PLCE1: variants seen among roughly 807,000 people sequenced by gnomAD.
PLCE1 encodes the protein 1-phosphatidylinositol 4,5-bisphosphate phosphodiesterase epsilon-1.
PLCE1 carries 119 observed loss-of-function variants against 242.8 expected under a neutral mutation model. The observed-to-expected ratio is 0.49, with a 90% CI of 0.42 to 0.57. PLCE1 has a LOEUF of 0.57. Ranked by LOEUF, PLCE1 falls within the 20% of genes least tolerant of loss-of-function variation. PLCE1 has a pLI of 0.00. For missense variants in PLCE1, 2,441 were observed against 2,788.8 expected (o/e 0.88, Z 2.81); for synonymous variants, 945 against 1,017.4 (o/e 0.93, Z 1.35).
chr10:94,068,760 C>A (rs973378961), intron 2 of PLCE1, among the ~76,000 whole-genome samples: 10 of 152,198 alleles, frequency 6.6e-5, no homozygotes, highest in African/African-American at 2.4e-4. Flanking sequence ...GTAAGTTTCA[C>A]TGGATTACCA....
At chr10:94,285,882 C>T (rs1843217563) in intron 22 of PLCE1, among the ~76,000 whole-genome samples, 1 of 152,106 alleles carries the variant, frequency 6.6e-6, no homozygotes, top group Admixed American at 6.6e-5. Flanking sequence ...AACCACTTTC[C>T]AAAAACAGTG....
At chr10:94,253,262 C>T (rs925917191) in intron 9 of PLCE1, among the ~76,000 whole-genome samples, 4 of 152,256 alleles carry the variant, frequency 2.6e-5, no homozygotes, top group Middle Eastern at 3.4e-3. Context: ...GTGACAGCCT[C>T]CGGAAGCTTA....
At chr10:94,296,110 C>A (rs2052802060) in intron 23 of PLCE1, among the ~76,000 whole-genome samples, 1 of 152,098 alleles carries the variant, frequency 6.6e-6, no homozygotes, top group South Asian at 2.1e-4. Flanking sequence ...TGCCTGTAAT[C>A]CCAGCACTTT....
intron 2 of PLCE1, among the ~76,000 whole-genome samples, chr10:94,100,989 T>A (rs1317502975): frequency 1.3e-5 from 2 of 152,108 alleles, no homozygotes; most frequent in Non-Finnish European, 2.9e-5. Context: ...TACAGAAGCC[T>A]AGAAGTGAGA....
intron 2 of PLCE1, among the ~76,000 whole-genome samples, chr10:94,067,414 G>A (rs969863113): frequency 6.6e-6 from 1 of 152,164 alleles, no homozygotes; most frequent in Non-Finnish European, 1.5e-5. Context: ...GAACCCAGGA[G>A]CCAGAAAGAC....
chr10:94,209,216 G>A (rs2049258425), intron 4 of PLCE1, among the ~76,000 whole-genome samples: 1 of 152,130 alleles, frequency 6.6e-6, no homozygotes, highest in African/African-American at 2.4e-5. Context: ...AGGAAATTTA[G>A]GCCTGAGTTT....
At chr10:94,122,689 G>A (rs575628116) in intron 2 of PLCE1, among the ~76,000 whole-genome samples, 70 of 152,282 alleles carry the variant, frequency 4.6e-4, no homozygotes, top group African/African-American at 1.6e-3. Flanking sequence ...TGATAGGGAC[G>A]TAAGTGCTTG....
chr10:94,320,608 G>A (rs2053764025), intron 29 of PLCE1, among the ~76,000 whole-genome samples: 1 of 152,196 alleles, frequency 6.6e-6, no homozygotes, highest in South Asian at 2.1e-4. Context: ...GGAGAGATGA[G>A]GCTAGAATTC....
At chr10:94,189,035 G>A (rs1335178641) in intron 4 of PLCE1, among the ~76,000 whole-genome samples, 1 of 149,712 alleles carries the variant, frequency 6.7e-6, no homozygotes, top group South Asian at 2.1e-4. Context: ...TTGTGGTCCA[G>A]TGAATTTCAA....
At chr10:94,035,359 C>T (rs897230930) in intron 2 of PLCE1, among the ~76,000 whole-genome samples, 3 of 152,058 alleles carry the variant, frequency 2.0e-5, no homozygotes, top group African/African-American at 4.8e-5. Flanking sequence ...TTTCTATAGC[C>T]CTGCTGCTGT....
intron 20 of PLCE1, 27 bp downstream of exon 20, chr10:94,279,938 G>A (rs1327705658): frequency 1.9e-6 from 3 of 1,612,488 alleles, no homozygotes; most frequent in Non-Finnish European, 1.7e-6. Context: ...CCTATGCTGT[G>A]CACAGGAAAA....
Position 94,316,881 on chromosome 10 carries a change from T to C in PLCE1, c.6342+125T>C, listed in dbSNP as rs1290509827. 3 of 726,472 alleles carry C rather than the reference T, an allele frequency of 4.1e-6. No homozygotes were observed. The African/African-American group carries it at 5.2e-5, about 13-fold the overall frequency. The allele number at this position is 726,472 out of a possible 1,614,324, so 45.0% of individuals were successfully genotyped here. A position where few individuals can be genotyped will look rare whatever the true frequency, so the allele number is the denominator to read the frequency against. On this transcript the variant is annotated intron_variant, in intron 29 of 32. Coordinates refer to ENST00000371380, the MANE Select transcript of PLCE1 (RefSeq NM_016341.4). Reference sequence around the variant, plus strand: ...CAACTTGGTTTATATTCTTCTTAAGTAAATGTGGATGAACAGTTTTATTCT... The same window carrying C: ...CAACTTGGTTTATATTCTTCTTAAGCAAATGTGGATGAACAGTTTTATTCT...
At chr10:94,236,694 T>C (rs2050335636) in intron 7 of PLCE1, among the ~76,000 whole-genome samples, 1 of 152,232 alleles carries the variant, frequency 6.6e-6, no homozygotes, top group South Asian at 2.1e-4. Context: ...CTGCAGGTTT[T>C]TAAATTGCTC....
At chr10:94,217,908 G>T (rs1190492617) in intron 4 of PLCE1, among the ~76,000 whole-genome samples, 1 of 151,116 alleles carries the variant, frequency 6.6e-6, no homozygotes, top group African/African-American at 2.4e-5. Flanking sequence ...ATACACAACT[G>T]GTTTAATTGC....
chr10:94,305,666 A>C (rs990486160), intron 25 of PLCE1, among the ~76,000 whole-genome samples: 2 of 152,176 alleles, frequency 1.3e-5, no homozygotes, highest in Non-Finnish European at 2.9e-5. Context: ...AGGCGAGGGT[A>C]GTTTTATCTG....
At chr10:94,217,535 GC>G (rs952535543) in intron 4 of PLCE1, among the ~76,000 whole-genome samples, 1 of 152,168 alleles carries the variant, frequency 6.6e-6, no homozygotes, top group African/African-American at 2.4e-5. Context: ...CTTCTGAACA[GC>G]ATTTAATAAT....
intron 1 of PLCE1, among the ~76,000 whole-genome samples, chr10:94,013,093 GGCAGGAA>G (rs1303838322): frequency 6.6e-6 from 1 of 152,174 alleles, no homozygotes; most frequent in African/African-American, 2.4e-5. Flanking sequence ...ACTAACCCAA[GGCAGGAA>G]GCATCTTTGT....
chr10:94,252,257 T>C (rs748965613), intron 8 of PLCE1, 59 bp from the exon 9 acceptor site: 1 of 1,485,148 alleles, frequency 6.7e-7, no homozygotes, highest in Non-Finnish European at 9.4e-7. Flanking sequence ...GACATTAATA[T>C]ATTTACTTCC....
chr10:94,323,986 GCTGA>G (rs1442460395), intron 30 of PLCE1, among the ~76,000 whole-genome samples: 1 of 152,188 alleles, frequency 6.6e-6, no homozygotes, highest in African/African-American at 2.4e-5. Context: ...TTCCTCACTG[GCTGA>G]CTTTCATGTC....
Sources: allele counts gnomAD v4.1 joint callset (sites outside exome capture counted in the v4.1 genomes callset), GRCh38; gene constraint gnomAD v4.1.1; transcripts MANE v1.5; gene names NCBI Gene and HGNC (gene_info 2026-07-23, HGNC 2026-07-21).